CSMD1: variants seen among roughly 807,000 people sequenced by gnomAD.
The protein encoded by CSMD1 is CUB and Sushi multiple domains 1, also known as CUB and sushi domain-containing protein 1.
Under a neutral mutation model 417.5 loss-of-function variants are expected in CSMD1, and 213 were observed. The observed-to-expected ratio is 0.51, with a 90% CI of 0.46 to 0.57. The LOEUF is 0.57. CSMD1 is among the 20% of genes least tolerant of loss of function. The pLI, the probability that CSMD1 is intolerant of heterozygous loss-of-function variation, is 0.00. For synonymous variants in CSMD1, 2,862 were observed against 1,736.8 expected (o/e 1.65, Z -16.11); for missense variants, 6,923 against 4,529.7 (o/e 1.53, Z -15.17).
At chr8:4,050,212 C>A (rs901385442) in intron 3 of CSMD1, among the ~76,000 whole-genome samples, 10 of 151,966 alleles carry the variant, frequency 6.6e-5, no homozygotes, top group African/African-American at 2.2e-4. Context: ...TGGCTAGGGT[C>A]GTGTTTGTCA....
At chr8:4,072,246 A>G (rs1457423118) in intron 3 of CSMD1, among the ~76,000 whole-genome samples, 1 of 152,174 alleles carries the variant, frequency 6.6e-6, no homozygotes, top group Non-Finnish European at 1.5e-5. Context: ...GAAGGGTTGA[A>G]TCCCATAGGA....
At chr8:4,579,007 C>A (rs970635976) in intron 2 of CSMD1, among the ~76,000 whole-genome samples, 3 of 151,644 alleles carry the variant, frequency 2.0e-5, no homozygotes, top group African/African-American at 4.8e-5. Context: ...GAAAATTGTA[C>A]ATAAATGTTT....
intron 3 of CSMD1, among the ~76,000 whole-genome samples, chr8:4,225,755 T>C (rs1020496164): frequency 6.6e-6 from 1 of 152,162 alleles, no homozygotes; most frequent in African/African-American, 2.4e-5. Context: ...AAGGTTTCAA[T>C]GGGGCCAATC....
chr8:3,652,158 TCAGAGCGCTTACC>T (rs1213035388), intron 7 of CSMD1, among the ~76,000 whole-genome samples: 3 of 147,410 alleles, frequency 2.0e-5, no homozygotes, highest in Admixed American at 6.8e-5. Context: ...CTTACCACCA[TCAGAGCGCTTACC>T]ACCATCAGAA....
In CSMD1 at chr8:3,170,351, G is replaced by T. The variant is rs191957034; in HGVS notation, c.5726-8074C>A. Among the ~76,000 whole-genome samples the T allele has an allele frequency of 4.3e-3, 659 of 152,316 alleles. 2 individuals are homozygous for T. Among genetic ancestry groups the T allele is most frequent in the African/African-American group, 0.015 (624 of 41,576 alleles). ...GCCTCCCGAGTAGCTGGGACTACAG[G>T]CGCCTACCACCATACCTGGCTAATT... On this transcript the variant is annotated intron_variant, in intron 37 of 69. Transcript: ENST00000635120.
intron 26 of CSMD1, among the ~76,000 whole-genome samples, chr8:3,270,916 T>A (rs56275309): frequency 6.5e-5 from 9 of 138,276 alleles, no homozygotes; most frequent in Admixed American, 3.7e-4. Flanking sequence ...TTTTTCTTTT[T>A]TTTTTTAATT....
chr8:3,548,872 C>T (rs763809370), intron 10 of CSMD1, among the ~76,000 whole-genome samples: 4 of 152,100 alleles, frequency 2.6e-5, no homozygotes, highest in Non-Finnish European at 5.9e-5. Context: ...CTGGGTCCCG[C>T]TCCCTACCCC....
At chr8:4,467,192 A>G (rs1377891593) in intron 2 of CSMD1, among the ~76,000 whole-genome samples, 1 of 152,130 alleles carries the variant, frequency 6.6e-6, no homozygotes, top group African/African-American at 2.4e-5. Context: ...AACAATGTTC[A>G]AAGTCCTTAA....
At chr8:4,172,148 G>C (rs1028106780) in intron 3 of CSMD1, among the ~76,000 whole-genome samples, 5 of 152,136 alleles carry the variant, frequency 3.3e-5, no homozygotes, top group East Asian at 1.9e-4. Context: ...AATTTGAAAA[G>C]ATGGACCTAA....
At chr8:4,716,069 C>T (rs916187642) in intron 1 of CSMD1, among the ~76,000 whole-genome samples, 1 of 152,142 alleles carries the variant, frequency 6.6e-6, no homozygotes, top group Non-Finnish European at 1.5e-5. Flanking sequence ...AGAGAAGCTG[C>T]TGTTAGAGCT....
chr8:4,654,589 T>C (rs1017090956), intron 1 of CSMD1, among the ~76,000 whole-genome samples: 3 of 152,090 alleles, frequency 2.0e-5, no homozygotes, highest in Non-Finnish European at 4.4e-5. Context: ...ATCCAGAGTT[T>C]TATATTAGGA....
chr8:4,657,614 T>A (rs1447698451), intron 1 of CSMD1, among the ~76,000 whole-genome samples: 1 of 150,872 alleles, frequency 6.6e-6, no homozygotes, highest in African/African-American at 2.4e-5. Flanking sequence ...GAAGAATAAA[T>A]AAAATTAATT....
In CSMD1 at chr8:3,464,392, C is replaced by G. The variant is rs942751786; in HGVS notation, c.1561+4320G>C. 2.0e-5 allele frequency among the ~76,000 whole-genome samples: 3 copies of G among 152,082 alleles called. No homozygotes were observed. The East Asian group carries it at 5.8e-4, about 29-fold the overall frequency. ...CTGCAGTGGTTATGAGGGAACCCAA[C>G]TTTCAATTGAGCATAGGGATTTTTC... is the stretch of plus-strand genomic sequence containing the variant. On this transcript the variant is annotated intron_variant, in intron 12 of 69. Coordinates refer to ENST00000635120, the MANE Select transcript of CSMD1 (RefSeq NM_033225.6).
chr8:4,341,780 G>A (rs1300000614), intron 3 of CSMD1, among the ~76,000 whole-genome samples: 2 of 152,096 alleles, frequency 1.3e-5, no homozygotes, highest in Non-Finnish European at 2.9e-5. Context: ...ATATTGTGCA[G>A]ATTTCAGTGC....
chr8:4,402,763 G>A (rs1005317389), intron 3 of CSMD1, among the ~76,000 whole-genome samples: 1 of 146,828 alleles, frequency 6.8e-6, no homozygotes, highest in Admixed American at 6.8e-5. Context: ...TGTACTGAAT[G>A]CCCTTGATGC....
chr8:3,879,574 A>G (rs1806065835), intron 5 of CSMD1, among the ~76,000 whole-genome samples: 1 of 152,216 alleles, frequency 6.6e-6, no homozygotes, highest in South Asian at 2.1e-4. Flanking sequence ...ATATTACCTT[A>G]ACAATCACAT....
intron 3 of CSMD1, among the ~76,000 whole-genome samples, chr8:4,322,549 G>A (rs1172520705): frequency 2.0e-5 from 3 of 152,156 alleles, no homozygotes; most frequent in African/African-American, 4.8e-5. Context: ...GGTAGGCCCT[G>A]AAGAGAGTAA....
At chr8:4,734,008 G>C (rs562184053) in intron 1 of CSMD1, among the ~76,000 whole-genome samples, 3 of 152,142 alleles carry the variant, frequency 2.0e-5, no homozygotes, top group Admixed American at 6.5e-5. Flanking sequence ...ATCAAAGAAA[G>C]AAGTCCTTCT....
intron 3 of CSMD1, among the ~76,000 whole-genome samples, chr8:4,189,455 T>A (rs919419891): frequency 6.6e-6 from 1 of 152,210 alleles, no homozygotes; most frequent in African/African-American, 2.4e-5. Context: ...AAAGTATGTT[T>A]GCAGAAAAGA....
Sources: gnomAD v4.1 joint callset for allele counts (sites outside exome capture counted in the v4.1 genomes callset) on GRCh38, gnomAD v4.1.1 for gene constraint, MANE v1.5 for transcripts, NCBI Gene and HGNC (gene_info 2026-07-23, HGNC 2026-07-21) for gene names.